The following VSIG10 variants were observed in gnomAD, a reference collection of about 807,000 sequenced individuals.
The protein encoded by VSIG10 is V-set and immunoglobulin domain containing 10.
Under a neutral mutation model 58.7 loss-of-function variants are expected in VSIG10, and 48 were observed. That is an observed-to-expected ratio of 0.82 (90% CI 0.65 to 1.04). The LOEUF is 1.04. Among genes scored for constraint, VSIG10 ranks in the 50% least tolerant of loss-of-function variants. The probability of loss-of-function intolerance (pLI) is 0.00; values close to 1 mark genes in which losing one functional copy is unlikely to be tolerated. For synonymous variants in VSIG10, 260 were observed against 267.1 expected (o/e 0.97, Z 0.26); for missense variants, 628 against 670.0 (o/e 0.94, Z 0.69).
chr12:118,091,566 C>T (rs1205464874), intron 2 of VSIG10, among the ~76,000 whole-genome samples: 1 of 152,056 alleles, frequency 6.6e-6, no homozygotes, highest in African/African-American at 2.4e-5. Context: ...AGGCTGCTCA[C>T]TCCTCAAGGG....
chr12:118,099,952 A>C (rs190248629), intron 1 of VSIG10, among the ~76,000 whole-genome samples: 1 of 152,340 alleles, frequency 6.6e-6, no homozygotes, highest in East Asian at 1.9e-4. Flanking sequence ...CAGGATGAAA[A>C]CAAACGAACA....
chr12:118,076,801 G>A (rs1476287643), intron 4 of VSIG10, among the ~76,000 whole-genome samples: 5 of 151,384 alleles, frequency 3.3e-5, no homozygotes, highest in South Asian at 2.1e-4. Flanking sequence ...GATTATAGGT[G>A]CATACCACCA....
Position 118,066,002 on chromosome 12 carries a change from A to G in VSIG10, c.*637T>C, listed in dbSNP as rs922148563. 2.6e-5 allele frequency: 4 copies of G among 152,930 alleles called. No individual in the cohort carries two copies. Among genetic ancestry groups the G allele is most frequent in the South Asian group, 2.1e-4 (1 of 4,876 alleles). 9.5% of individuals were successfully genotyped at this position (152,930 alleles called of 1,614,324 possible). ...GAGGTAAAGAGTCGTGCTCTAGCCC[A>G]TGAAAGAAGGAAGCAACAGAGCCCA... is the stretch of plus-strand genomic sequence containing the variant. On this transcript the variant is annotated 3_prime_UTR_variant, in exon 9 of 9. Coordinates refer to ENST00000359236, the MANE Select transcript of VSIG10 (RefSeq NM_019086.6).
At chr12:118,071,272 G>A in intron 6 of VSIG10, 87 bp downstream of exon 6, 1 of 1,382,668 alleles carries the variant, frequency 7.2e-7, no homozygotes, top group Non-Finnish European at 1.0e-6. Context: ...AGAACTTCAG[G>A]TGGGAGCAAG....
At chr12:118,071,579 G>A (rs2032495632) in intron 5 of VSIG10, 110 bp from the exon 6 acceptor site, 3 of 995,270 alleles carry the variant, frequency 3.0e-6, no homozygotes, top group East Asian at 2.4e-5. Flanking sequence ...CCTGACCTTG[G>A]GTAAGGCTTA....
At chr12:118,102,639 C>T (rs2033650588) in intron 1 of VSIG10, 1 of 152,058 alleles carries the variant, frequency 6.6e-6, no homozygotes, top group Non-Finnish European at 1.5e-5. Context: ...TAATTAGGAA[C>T]TCTTGGCACT....
chr12:118,084,645 G>GGGATTAT (rs1566168876), intron 2 of VSIG10, among the ~76,000 whole-genome samples: 1 of 152,086 alleles, frequency 6.6e-6, no homozygotes, highest in Non-Finnish European at 1.5e-5. Flanking sequence ...TTGGGAGGCC[G>GGGATTAT]AGGTGGGTGG....
chr12:118,064,334 A>G lies in VSIG10; in HGVS notation c.*2305T>C, dbSNP rs1052713302. 6.6e-6 allele frequency: 1 copy of G among 152,054 alleles called. No homozygotes were observed. The highest frequency in any genetic ancestry group is 1.5e-5 in the Non-Finnish European group (1 of 68,016). 9.4% of individuals were successfully genotyped at this position (152,054 alleles called of 1,614,324 possible). On this transcript the variant is annotated 3_prime_UTR_variant, in exon 9 of 9. Coordinates refer to ENST00000359236, the MANE Select transcript of VSIG10 (RefSeq NM_019086.6). ...GAAGCTCCCATTTGGTAGTGGAAAAACCCTCAAATATTTCCTATCAACAGA... is the reference window on the plus strand; with the variant it reads ...GAAGCTCCCATTTGGTAGTGGAAAAGCCCTCAAATATTTCCTATCAACAGA...
chr12:118,086,242 C>G (rs551604224), intron 2 of VSIG10, among the ~76,000 whole-genome samples: 1 of 151,946 alleles, frequency 6.6e-6, no homozygotes, highest in South Asian at 2.1e-4. Flanking sequence ...GCAGGCGGAT[C>G]ACTTGAGGTC....
intron 3 of VSIG10, among the ~76,000 whole-genome samples, chr12:118,081,202 C>T (rs1051227873): frequency 2.0e-5 from 3 of 151,902 alleles, no homozygotes; most frequent in East Asian, 3.9e-4. Context: ...GCAGAGATCT[C>T]GCCACTGCAC....
chr12:118,083,179 T>A (rs1279737652), intron 2 of VSIG10, among the ~76,000 whole-genome samples: 1 of 140,682 alleles, frequency 7.1e-6, no homozygotes, highest in African/African-American at 2.6e-5. Context: ...CAGTAGCTCA[T>A]GACTGTAATC....
chr12:118,094,357 A>G (rs1331410458), intron 2 of VSIG10, among the ~76,000 whole-genome samples: 1 of 152,132 alleles, frequency 6.6e-6, no homozygotes, highest in Non-Finnish European at 1.5e-5. Flanking sequence ...TTAATATGCC[A>G]GGAGCCTTTT....
intron 1 of VSIG10, among the ~76,000 whole-genome samples, chr12:118,098,901 C>CT (rs939724472): frequency 1.8e-3 from 228 of 128,324 alleles, no homozygotes; most frequent in African/African-American, 5.2e-3. Context: ...AATTATTTAA[C>CT]TTTTTTTTTA....
intron 4 of VSIG10, among the ~76,000 whole-genome samples, chr12:118,074,632 C>T (rs1377523903): frequency 6.6e-6 from 1 of 152,060 alleles, no homozygotes; most frequent in East Asian, 1.9e-4. Context: ...GCATGAGCCA[C>T]CACGCCCACC....
chr12:118,086,847 G>A (rs988590880), intron 2 of VSIG10, among the ~76,000 whole-genome samples: 11 of 152,232 alleles, frequency 7.2e-5, no homozygotes, highest in East Asian at 5.8e-4. Context: ...TGCAAACTCC[G>A]CTTCCTGGGT....
intron 4 of VSIG10, among the ~76,000 whole-genome samples, chr12:118,076,443 C>T (rs1034229991): frequency 6.7e-6 from 1 of 149,132 alleles, no homozygotes; most frequent in Admixed American, 6.7e-5. Context: ...GATCAAATTA[C>T]CTCCCACCAG....
At chr12:118,067,375 G>C (rs1178127510) in intron 8 of VSIG10, among the ~76,000 whole-genome samples, 2 of 151,674 alleles carry the variant, frequency 1.3e-5, no homozygotes, top group African/African-American at 4.8e-5. Context: ...TCCTGCAACA[G>C]CTCCTCTACT....
chr12:118,067,388 T>C (rs958958542), intron 8 of VSIG10, among the ~76,000 whole-genome samples: 3 of 151,882 alleles, frequency 2.0e-5, no homozygotes, highest in Non-Finnish European at 4.4e-5. Context: ...CCTCTACTGC[T>C]CTCTCAGTGT....
intron 2 of VSIG10, among the ~76,000 whole-genome samples, chr12:118,095,195 A>G (rs534972642): frequency 6.4e-4 from 96 of 150,854 alleles, no homozygotes; most frequent in African/African-American, 1.9e-3. Flanking sequence ...AAGCCACCGC[A>G]CCCGGCCGGC....
Sources: allele counts gnomAD v4.1 joint callset (sites outside exome capture counted in the v4.1 genomes callset), GRCh38; gene constraint gnomAD v4.1.1; transcripts MANE v1.5; gene names NCBI Gene and HGNC (gene_info 2026-07-23, HGNC 2026-07-21).